PTAR1: variants seen among roughly 807,000 people sequenced by gnomAD.
PTAR1 encodes protein prenyltransferase alpha subunit repeat-containing protein 1.
In PTAR1, 17 loss-of-function variants were observed where a neutral mutation model predicts 45.5. The ratio of observed to expected loss-of-function variants is 0.37; its 90% CI spans 0.26 to 0.56. The LOEUF (loss-of-function observed/expected upper bound fraction) is 0.56. Ranked by LOEUF, PTAR1 falls within the 20% of genes least tolerant of loss-of-function variation. The probability of loss-of-function intolerance (pLI) is 0.77; values close to 1 mark genes in which losing one functional copy is unlikely to be tolerated. For missense variants in PTAR1, 391 were observed against 476.3 expected (o/e 0.82, Z 1.67); for synonymous variants, 169 against 171.3 (o/e 0.99, Z 0.11).
At chr9:69,759,429 A>G (rs1318377134) in intron 1 of PTAR1, among the ~76,000 whole-genome samples, 1 of 152,076 alleles carries the variant, frequency 6.6e-6, no homozygotes, top group African/African-American at 2.4e-5. Context: ...AAGTAAGAGG[A>G]TCGGTTACCC....
chr9:69,732,801 G>A (rs1825601622), intron 4 of PTAR1, among the ~76,000 whole-genome samples: 1 of 152,088 alleles, frequency 6.6e-6, no homozygotes, highest in East Asian at 1.9e-4. Context: ...CAAACAAGAA[G>A]CTGCATTCTG....
intron 3 of PTAR1, among the ~76,000 whole-genome samples, chr9:69,736,619 G>T (rs766638633): frequency 6.6e-6 from 1 of 152,052 alleles, no homozygotes; most frequent in Non-Finnish European, 1.5e-5. Context: ...ATAAATTTAA[G>T]ACCTCTTATT....
Position 69,718,152 on chromosome 9 carries a change from AT to A in PTAR1, c.*189del. On this transcript the variant is annotated 3_prime_UTR_variant, in exon 8 of 8. Coordinates refer to ENST00000340434, the MANE Select transcript of PTAR1 (RefSeq NM_001099666.2). ...TTCAGCAGGAAGGAACTATACGATT[AT>A]TTTATCCCCACAGGAATGCCAGTTA... is the stretch of plus-strand genomic sequence containing the variant. 1 of 520,138 alleles carries A rather than the reference AT, an allele frequency of 1.9e-6. No individual in the cohort carries two copies. The allele number at this position is 520,138 out of a possible 1,614,324, so 32.2% of individuals were successfully genotyped here. A position where few individuals can be genotyped will look rare whatever the true frequency, so the allele number is the denominator to read the frequency against.
At position 69,732,257 on chromosome 9, in the gene PTAR1, C is replaced by T. The variant is rs778437482; in HGVS notation, c.524G>A (p.Arg175Gln). 1.2e-4 allele frequency: 199 copies of T among 1,613,652 alleles called. No individual in the cohort carries two copies. Among genetic ancestry groups the T allele is most frequent in the Middle Eastern group, 1.6e-4 (1 of 6,078 alleles). ...GACCTCCATCTCTTCTTGTATGAGT[C>T]GCTGTGCCCTTTCTGTGGGAATTGT... ...LGTIPTERAQ[R>Q]LIQEEMEVCG... The change falls in exon 5 of 8, where the codon CGA (arginine) becomes CAA (glutamine). Residue 175 changes from arginine (R) to glutamine (Q), a missense_variant. Physicochemically the swap from Arg to Gln is conservative, Grantham distance 43 (BLOSUM62 1). Coordinates refer to ENST00000340434, the MANE Select transcript of PTAR1 (RefSeq NM_001099666.2).
intron 1 of PTAR1, chr9:69,758,290 C>A (rs570578820): frequency 6.6e-6 from 1 of 152,222 alleles, no homozygotes; most frequent in East Asian, 1.9e-4. Context: ...ATGATTACGA[C>A]ATTTTGTATT....
rs528652633 is a variant in PTAR1 at position 69,723,230 on chromosome 9, A to G, written c.947+96T>C. 1.4e-5 allele frequency: 14 copies of G among 1,014,922 alleles called. No individual in the cohort carries two copies. The East Asian group carries it at 3.1e-4, about 23-fold the overall frequency. The allele number at this position is 1,014,922 out of a possible 1,614,324, so 62.9% of individuals were successfully genotyped here. ...GCTCCACAATCAGATGACCATGTTT[A>G]CCCAAGCAGGCAGGAATCAGGTGTA... is the stretch of plus-strand genomic sequence containing the variant. On this transcript the variant is annotated intron_variant, in intron 6 of 7. Transcript: ENST00000340434.
chr9:69,719,024 A>G (rs186542877), intron 6 of PTAR1, among the ~76,000 whole-genome samples: 100 of 152,342 alleles, frequency 6.6e-4, no homozygotes, highest in Non-Finnish European at 8.8e-4. Flanking sequence ...TATTTCTGCT[A>G]TAAGTTATAA....
At chr9:69,754,715 T>C (rs938366779) in intron 1 of PTAR1, among the ~76,000 whole-genome samples, 7 of 30,546 alleles carry the variant, frequency 2.3e-4, no homozygotes, top group African/African-American at 4.9e-4. Flanking sequence ...CTAATATATA[T>C]ATATATATTT....
chr9:69,718,726 T>C, intron 6 of PTAR1, 42 bp from the exon 7 acceptor site: 1 of 1,441,830 alleles, frequency 6.9e-7, no homozygotes, highest in Non-Finnish European at 9.3e-7. Flanking sequence ...GAAAATCACA[T>C]TACAAAGTCA....
intron 3 of PTAR1, among the ~76,000 whole-genome samples, chr9:69,737,717 C>T (rs769260138): frequency 5.9e-5 from 9 of 152,108 alleles, no homozygotes; most frequent in Non-Finnish European, 1.2e-4. Context: ...AGTCAAGAAC[C>T]GTGTAAAGTG....
chr9:69,711,275 A>G lies in PTAR1; in HGVS notation c.*7067T>C, dbSNP rs1824513653. On this transcript the variant is annotated 3_prime_UTR_variant, in exon 8 of 8. Transcript: ENST00000340434. ...CAGCCAGCATCGAAGTCATGCATCA[A>G]GAACCTCGCCAGGAGGCAATGCCTA... 6.6e-6 allele frequency: 1 copy of G among 152,242 alleles called. No individual in the cohort carries two copies. Among genetic ancestry groups the G allele is most frequent in the South Asian group, 2.1e-4 (1 of 4,832 alleles). 9.4% of individuals were successfully genotyped at this position (152,242 alleles called of 1,614,324 possible).
intron 2 of PTAR1, among the ~76,000 whole-genome samples, chr9:69,744,718 C>G (rs1564143060): frequency 6.6e-6 from 1 of 152,132 alleles, no homozygotes; most frequent in Admixed American, 6.6e-5. Flanking sequence ...ACTTTTGTTA[C>G]TTACATAAAT....
intron 6 of PTAR1, among the ~76,000 whole-genome samples, chr9:69,720,476 A>G (rs1824944218): frequency 6.6e-6 from 1 of 152,228 alleles, no homozygotes; most frequent in South Asian, 2.1e-4. Context: ...AGCCATCTCT[A>G]TAACAAAACT....
intron 3 of PTAR1, chr9:69,741,523 C>CT: frequency 2.9e-6 from 1 of 350,518 alleles, no homozygotes; most frequent in Non-Finnish European, 5.3e-6. Flanking sequence ...GTCTCCCACC[C>CT]CAAAAAATGA....
chr9:69,712,552 C>G lies in PTAR1; in HGVS notation c.*5790G>C, dbSNP rs558547448. ...AATATGGACAATGATGATATGATAGCTAAGCTAGTTTTATCTTTCTAGCTT... is the reference window on the plus strand; with the variant it reads ...AATATGGACAATGATGATATGATAGGTAAGCTAGTTTTATCTTTCTAGCTT... On this transcript the variant is annotated 3_prime_UTR_variant, in exon 8 of 8. Transcript: ENST00000340434. 1 of 152,210 alleles carries G rather than the reference C, an allele frequency of 6.6e-6. No homozygotes were observed. The highest frequency in any genetic ancestry group is 2.1e-4 in the South Asian group (1 of 4,830). The allele number at this position is 152,210 out of a possible 1,614,324, so 9.4% of individuals were successfully genotyped here. A position where few individuals can be genotyped will look rare whatever the true frequency, so the allele number is the denominator to read the frequency against.
At chr9:69,758,956 G>A (rs933304852) in intron 1 of PTAR1, among the ~76,000 whole-genome samples, 1 of 151,868 alleles carries the variant, frequency 6.6e-6, no homozygotes, top group South Asian at 2.1e-4. Flanking sequence ...GAAGAGGTAT[G>A]GGAAAGGAGG....
intron 6 of PTAR1, among the ~76,000 whole-genome samples, chr9:69,722,373 T>C (rs979035729): frequency 2.6e-5 from 4 of 152,152 alleles, no homozygotes; most frequent in African/African-American, 9.7e-5. Context: ...GGGTCACATA[T>C]GTGACTTCAG....
intron 1 of PTAR1, among the ~76,000 whole-genome samples, chr9:69,759,384 TTAGTTAG>T (rs1279916904): frequency 6.6e-6 from 1 of 152,128 alleles, no homozygotes; most frequent in Non-Finnish European, 1.5e-5. Flanking sequence ...CAAACCACCT[TTAGTTAG>T]TAAACTGAGG....
At chr9:69,733,059 C>T (rs1825614960) in intron 4 of PTAR1, among the ~76,000 whole-genome samples, 1 of 151,452 alleles carries the variant, frequency 6.6e-6, no homozygotes, top group Non-Finnish European at 1.5e-5. Flanking sequence ...AGATTTCAAA[C>T]CCAAAGGTAC....
Sources: allele counts gnomAD v4.1 joint callset (sites outside exome capture counted in the v4.1 genomes callset), GRCh38; gene constraint gnomAD v4.1.1; transcripts MANE v1.5; gene names NCBI Gene and HGNC (gene_info 2026-07-23, HGNC 2026-07-21).